RBFOX1: variants seen among roughly 807,000 people sequenced by gnomAD.
RBFOX1 encodes RNA binding protein fox-1 homolog 1.
RBFOX1 carries 8 observed loss-of-function variants against 57.7 expected under a neutral mutation model. The ratio of observed to expected loss-of-function variants is 0.14; its 90% CI spans 0.08 to 0.25. The LOEUF is 0.25. Ranked by LOEUF, RBFOX1 falls within the 10% of genes least tolerant of loss-of-function variation. The pLI, the probability that RBFOX1 is intolerant of heterozygous loss-of-function variation, is 1.00. For synonymous variants in RBFOX1, 326 were observed against 222.4 expected (o/e 1.47, Z -4.15); for missense variants, 611 against 548.5 (o/e 1.11, Z -1.14).
intron 3 of RBFOX1, among the ~76,000 whole-genome samples, chr16:6,655,318 G>T (rs72762976): frequency 0.25 from 34,027 of 134,640 alleles, 5,157 homozygotes; most frequent in Middle Eastern, 0.48. Context: ...AGACTGCAGT[G>T]AGCCAAAATT....
chr16:6,752,346 C>T (rs1184222097), intron 3 of RBFOX1, among the ~76,000 whole-genome samples: 1 of 152,142 alleles, frequency 6.6e-6, no homozygotes, highest in African/African-American at 2.4e-5. Flanking sequence ...ACAATGATCT[C>T]AGTCTAATTA....
intron 4 of RBFOX1, among the ~76,000 whole-genome samples, chr16:7,126,817 G>A (rs985656529): frequency 1.3e-5 from 2 of 151,838 alleles, no homozygotes; most frequent in East Asian, 3.9e-4. Context: ...TTTTAGCCTG[G>A]CCAATACGGT....
At chr16:5,248,948 A>T (rs2062373718) in intron 1 of RBFOX1, among the ~76,000 whole-genome samples, 1 of 132,220 alleles carries the variant, frequency 7.6e-6, no homozygotes, top group Non-Finnish European at 1.6e-5. Flanking sequence ...AGATTGTGCC[A>T]GTGCACTCCA....
At chr16:6,192,571 A>G (rs113010755) in intron 1 of RBFOX1, among the ~76,000 whole-genome samples, 5 of 152,236 alleles carry the variant, frequency 3.3e-5, no homozygotes, top group African/African-American at 1.2e-4. Flanking sequence ...GTCACTAAGC[A>G]TCTTCTTATA....
At chr16:6,855,783 G>T (rs546588049) in intron 3 of RBFOX1, among the ~76,000 whole-genome samples, 1 of 147,314 alleles carries the variant, frequency 6.8e-6, no homozygotes, top group South Asian at 2.1e-4. Flanking sequence ...TACCTTTAGA[G>T]GATTTGAGTG....
At chr16:7,534,785 AG>A (rs1191502740) in intron 5 of RBFOX1, among the ~76,000 whole-genome samples, 1 of 26,130 alleles carries the variant, frequency 3.8e-5, no homozygotes, top group Admixed American at 1.9e-4. Context: ...TCCAGGTTTT[AG>A]GGGGCCCTTA....
chr16:7,240,824 C>G (rs921032984), intron 4 of RBFOX1, among the ~76,000 whole-genome samples: 3 of 152,210 alleles, frequency 2.0e-5, no homozygotes, highest in Admixed American at 1.3e-4. Context: ...CCTGCCTCAG[C>G]CTTCCAAAGT....
At chr16:6,443,539 C>G (rs1287561849) in intron 2 of RBFOX1, among the ~76,000 whole-genome samples, 1 of 152,126 alleles carries the variant, frequency 6.6e-6, no homozygotes, top group African/African-American at 2.4e-5. Context: ...GGAGCCTTAA[C>G]AATACTTGAA....
chr16:5,985,808 G>T (rs1375289255), intron 4 of RBFOX1, among the ~76,000 whole-genome samples: 2 of 152,274 alleles, frequency 1.3e-5, no homozygotes, highest in Middle Eastern at 3.4e-3. Context: ...GAAACATCTG[G>T]CTGCCTCTGG....
intron 10 of RBFOX1, among the ~76,000 whole-genome samples, chr16:7,625,954 C>T (rs1273046775): frequency 6.6e-6 from 1 of 152,084 alleles, no homozygotes; most frequent in Non-Finnish European, 1.5e-5. Flanking sequence ...GAATTAGTAG[C>T]ATCAATGGGG....
At chr16:6,072,253 C>A (rs570492135) in intron 1 of RBFOX1, among the ~76,000 whole-genome samples, 1 of 152,288 alleles carries the variant, frequency 6.6e-6, no homozygotes, top group African/African-American at 2.4e-5. Flanking sequence ...CAATTACCTC[C>A]CACTGCGTCC....
chr16:6,316,633 G>T (rs182862021), intron 1 of RBFOX1, among the ~76,000 whole-genome samples: 1 of 152,164 alleles, frequency 6.6e-6, no homozygotes, highest in South Asian at 2.1e-4. Context: ...AACTCATGGT[G>T]TAAGAGAAGA....
At chr16:5,379,744 T>A (rs1387313474) in intron 1 of RBFOX1, among the ~76,000 whole-genome samples, 2 of 152,162 alleles carry the variant, frequency 1.3e-5, no homozygotes, top group Admixed American at 6.5e-5. Flanking sequence ...GCTCTTTATC[T>A]CCCCCTCTGA....
chr16:6,701,740 G>A (rs1603443754), intron 3 of RBFOX1, among the ~76,000 whole-genome samples: 1 of 152,220 alleles, frequency 6.6e-6, no homozygotes, highest in Non-Finnish European at 1.5e-5. Flanking sequence ...TAAAAATGTG[G>A]CACATGTACA....
intron 4 of RBFOX1, among the ~76,000 whole-genome samples, chr16:7,375,617 G>A (rs926154430): frequency 2.0e-5 from 3 of 151,960 alleles, no homozygotes; most frequent in African/African-American, 7.3e-5. Context: ...CCAAAAGGTA[G>A]ATAAGGGGAC....
intron 4 of RBFOX1, among the ~76,000 whole-genome samples, chr16:7,332,199 C>T (rs918572349): frequency 6.6e-6 from 1 of 152,178 alleles, no homozygotes; most frequent in African/African-American, 2.4e-5. Flanking sequence ...GCTATGTGAC[C>T]ATGAGCAAAC....
intron 1 of RBFOX1, among the ~76,000 whole-genome samples, chr16:5,308,599 A>G (rs948889085): frequency 6.6e-6 from 1 of 152,140 alleles, no homozygotes; most frequent in Non-Finnish European, 1.5e-5. Flanking sequence ...TTTTGACTAT[A>G]TTTAGTAAAA....
intron 2 of RBFOX1, among the ~76,000 whole-genome samples, chr16:6,605,569 A>C (rs2097914387): frequency 6.6e-6 from 1 of 152,168 alleles, no homozygotes; most frequent in African/African-American, 2.4e-5. Context: ...GATCGGAGTG[A>C]ATCTCTCATT....
At chr16:5,735,957 C>T (rs9940572) in intron 3 of RBFOX1, among the ~76,000 whole-genome samples, 38 of 152,112 alleles carry the variant, frequency 2.5e-4, no homozygotes, top group African/African-American at 6.7e-4. Flanking sequence ...GGGAGGAAGG[C>T]GCGGGTAGAG....
Sources: gnomAD v4.1 joint callset for allele counts (sites outside exome capture counted in the v4.1 genomes callset) on GRCh38, gnomAD v4.1.1 for gene constraint, MANE v1.5 for transcripts, NCBI Gene and HGNC (gene_info 2026-07-23, HGNC 2026-07-21) for gene names.